The following ITGA1 variants were observed in gnomAD, a reference collection of about 807,000 sequenced individuals.
ITGA1 encodes integrin subunit alpha 1.
ITGA1 carries 85 observed loss-of-function variants against 145.9 expected under a neutral mutation model. The observed-to-expected ratio is 0.58, with a 90% CI of 0.49 to 0.70. The LOEUF (loss-of-function observed/expected upper bound fraction) is 0.70, where lower values mean the gene tolerates loss of function less well. Ranked by LOEUF, ITGA1 falls within the 30% of genes least tolerant of loss-of-function variation. The probability of loss-of-function intolerance (pLI) is 0.00; values close to 1 mark genes in which losing one functional copy is unlikely to be tolerated. For missense variants in ITGA1, 1,351 were observed against 1,418.7 expected, an observed-to-expected ratio of 0.95 and a Z score of 0.77; for synonymous variants, 520 against 495.3, an observed-to-expected ratio of 1.05 and a Z score of -0.66.
chr5:52,840,032 T>TA (rs1307733057), intron 1 of ITGA1, among the ~76,000 whole-genome samples: 1 of 152,162 alleles, frequency 6.6e-6, no homozygotes, highest in African/African-American at 2.4e-5. Flanking sequence ...CAGTTAAAGC[T>TA]AGTAGGTAAA....
rs776837565 is a variant in ITGA1, at chr5:52,898,230, G to T, written c.1165-9G>T. 1 of 1,485,814 alleles carries T rather than the reference G, an allele frequency of 6.7e-7. No individual in the cohort carries two copies. Among genetic ancestry groups the T allele is most frequent in the Non-Finnish European group, 9.0e-7 (1 of 1,114,224 alleles). 92.0% of individuals were successfully genotyped at this position (1,485,814 alleles called of 1,614,324 possible). A position where few individuals can be genotyped will look rare whatever the true frequency, so the allele number is the denominator to read the frequency against. ...TTAAATATTATTATCTTATTTATTT[G>T]CATGTAAGGACTGGGTCATGCTTGG... On this transcript the variant is annotated splice_polypyrimidine_tract_variant and intron_variant, in intron 10 of 28. Coordinates refer to ENST00000282588, the MANE Select transcript of ITGA1 (RefSeq NM_181501.2).
chr5:52,886,053 G>A (rs1042083955), intron 7 of ITGA1, among the ~76,000 whole-genome samples: 1 of 152,126 alleles, frequency 6.6e-6, no homozygotes, highest in African/African-American at 2.4e-5. Context: ...CAAGGATGAG[G>A]GATTTCCACT....
At chr5:52,859,987 G>A (rs1308063330) in intron 2 of ITGA1, among the ~76,000 whole-genome samples, 1 of 152,086 alleles carries the variant, frequency 6.6e-6, no homozygotes, top group African/African-American at 2.4e-5. Context: ...AATCCCCCAT[G>A]CCTTTTTCAC....
At chr5:52,814,345 C>G (rs2111691208) in intron 1 of ITGA1, among the ~76,000 whole-genome samples, 1 of 152,172 alleles carries the variant, frequency 6.6e-6, no homozygotes, top group African/African-American at 2.4e-5. Context: ...GCCATGTTGA[C>G]CAGGCTGGTC....
chr5:52,887,745 T>C (rs1309301693), intron 7 of ITGA1, 70 bp from the exon 8 acceptor site: 38 of 1,451,532 alleles, frequency 2.6e-5, no homozygotes, highest in Non-Finnish European at 3.4e-5. Flanking sequence ...AGTGTTTTTG[T>C]TTAGTTTTTT....
intron 3 of ITGA1, 72 bp from the exon 4 acceptor site, chr5:52,864,691 C>A (rs1442019957): frequency 6.8e-6 from 6 of 879,420 alleles, no homozygotes; most frequent in South Asian, 6.2e-5. Flanking sequence ...AATAGAATGT[C>A]TTAATGAGAG....
intron 6 of ITGA1, among the ~76,000 whole-genome samples, chr5:52,872,789 G>A (rs988976871): frequency 6.6e-6 from 1 of 151,852 alleles, no homozygotes; most frequent in South Asian, 2.1e-4. Flanking sequence ...CATCTCAAGC[G>A]CTGTATTCTA....
At chr5:52,943,780 C>T (rs947696557) in intron 26 of ITGA1, among the ~76,000 whole-genome samples, 1 of 152,128 alleles carries the variant, frequency 6.6e-6, no homozygotes, top group Non-Finnish European at 1.5e-5. Flanking sequence ...GATGGGGGCT[C>T]CTCCCCTACT....
chr5:52,828,825 C>G (rs916400985), intron 1 of ITGA1, among the ~76,000 whole-genome samples: 1 of 152,176 alleles, frequency 6.6e-6, no homozygotes, highest in African/African-American at 2.4e-5. Flanking sequence ...ATGGGAGAAT[C>G]ATTCCCTGCC....
intron 1 of ITGA1, among the ~76,000 whole-genome samples, chr5:52,811,998 C>T (rs1172914323): frequency 6.6e-6 from 1 of 152,118 alleles, no homozygotes; most frequent in African/African-American, 2.4e-5. Flanking sequence ...TTAAAAGCTC[C>T]TCAGGTGCTT....
rs11323830 is a variant in ITGA1, at chr5:52,862,218, CAA to C, written c.295+675_295+676del. On this transcript the variant is annotated intron_variant, in intron 3 of 28. Transcript: ENST00000282588. ...GAGGAACAAGAGCAAAACTCCATCT[CAA>C]AAAAAAAAAAAAAAAGAAAAGAAAA... Among the ~76,000 whole-genome samples, 962 of 96,480 alleles carry C rather than the reference CAA, an allele frequency of 1.0e-2. 6 individuals carry two copies. The highest frequency in any genetic ancestry group is 0.03 in the African/African-American group (757 of 25,424). 63.3% of individuals were successfully genotyped at this position (96,480 alleles called of 152,430 possible).
chr5:52,951,390 TC>T (rs948457457), intron 28 of ITGA1, among the ~76,000 whole-genome samples: 6 of 152,110 alleles, frequency 3.9e-5, no homozygotes, highest in African/African-American at 1.4e-4. Flanking sequence ...ATCCCTTCTA[TC>T]CCCCATACTT....
At chr5:52,790,955 C>T (rs1206935033) in intron 1 of ITGA1, among the ~76,000 whole-genome samples, 4 of 152,130 alleles carry the variant, frequency 2.6e-5, no homozygotes, top group East Asian at 1.9e-4. Context: ...GAAAAGAATT[C>T]CACCTTTCCA....
intron 6 of ITGA1, among the ~76,000 whole-genome samples, chr5:52,869,389 G>T (rs140091699): frequency 2.0e-5 from 3 of 152,120 alleles, no homozygotes; most frequent in Admixed American, 1.3e-4. Flanking sequence ...TTGAACTCCC[G>T]ACCACAGATG....
intron 7 of ITGA1, among the ~76,000 whole-genome samples, chr5:52,886,292 C>T (rs146718950): frequency 2.6e-3 from 400 of 152,300 alleles, no homozygotes; most frequent in Admixed American, 6.0e-3. Flanking sequence ...AACATCTTGT[C>T]ATATTTGCTT....
chr5:52,832,624 G>A (rs1464594155), intron 1 of ITGA1, among the ~76,000 whole-genome samples: 2 of 151,978 alleles, frequency 1.3e-5, no homozygotes, highest in African/African-American at 4.8e-5. Flanking sequence ...TCTCTTGCAA[G>A]AATTATATAA....
chr5:52,819,247 G>C (rs949262345), intron 1 of ITGA1, among the ~76,000 whole-genome samples: 1 of 152,170 alleles, frequency 6.6e-6, no homozygotes, highest in African/African-American at 2.4e-5. Flanking sequence ...GGTTGAACTA[G>C]TTTACAGTCC....
chr5:52,926,554 A>G (rs543463960), intron 19 of ITGA1, among the ~76,000 whole-genome samples: 2 of 152,130 alleles, frequency 1.3e-5, no homozygotes, highest in Non-Finnish European at 2.9e-5. Context: ...GTGAGCCGAG[A>G]TTGCACCACT....
chr5:52,922,862 C>T lies in ITGA1; in HGVS notation c.2378C>T (p.Ser793Phe). 1 of 1,603,244 alleles carries T rather than the reference C, an allele frequency of 6.2e-7. No individual in the cohort carries two copies. The highest frequency in any genetic ancestry group is 8.5e-7 in the Non-Finnish European group (1 of 1,170,174). Residue 793 changes from serine to phenylalanine, a missense_variant, in exon 18 of 29, where the codon TCT (serine) becomes TTT (phenylalanine). Physicochemically the swap from Ser to Phe is radical, Grantham distance 155. Transcript: ENST00000282588. ...DPENGPVLDD[S>F]LPNSVHEYIP... ...GAAAATGGGCCTGTTCTTGATGATT[C>T]TCTACCAAACTCAGTACATGAATAT...
Sources: allele counts gnomAD v4.1 joint callset (sites outside exome capture counted in the v4.1 genomes callset), GRCh38; gene constraint gnomAD v4.1.1; transcripts MANE v1.5; gene names NCBI Gene and HGNC (gene_info 2026-07-23, HGNC 2026-07-21).